Variants in PIP5K1C observed in about 807,000 individuals in gnomAD.
PIP5K1C encodes phosphatidylinositol-4-phosphate 5-kinase type 1 gamma, also known as phosphatidylinositol 4-phosphate 5-kinase type-1 gamma.
In PIP5K1C, 45 loss-of-function variants were observed where a neutral mutation model predicts 80.1. That is an observed-to-expected ratio of 0.56 (90% CI 0.44 to 0.72). The LOEUF (loss-of-function observed/expected upper bound fraction) is 0.72, where lower values mean the gene tolerates loss of function less well. Among genes scored for constraint, PIP5K1C ranks in the 30% least tolerant of loss-of-function variants. The pLI, the probability that PIP5K1C is intolerant of heterozygous loss-of-function variation, is 0.00. For synonymous variants in PIP5K1C, 498 were observed against 420.1 expected (o/e 1.19, Z -2.27); for missense variants, 753 against 954.6 (o/e 0.79, Z 2.78).
intron 12 of PIP5K1C, among the ~76,000 whole-genome samples, chr19:3,643,680 C>T (rs2270082): frequency 4.7e-5 from 7 of 149,378 alleles, no homozygotes; most frequent in Admixed American, 4.7e-4. Context: ...CCTCCCCACC[C>T]CCCCTCCCTT....
intron 16 of PIP5K1C, among the ~76,000 whole-genome samples, chr19:3,635,480 C>T (rs1239515363): frequency 6.6e-6 from 1 of 151,456 alleles, no homozygotes; most frequent in African/African-American, 2.4e-5. Flanking sequence ...GTCAGGAGTT[C>T]GAGACCAGCC....
intron 11 of PIP5K1C, among the ~76,000 whole-genome samples, chr19:3,644,683 T>C (rs1261082598): frequency 6.6e-6 from 1 of 152,204 alleles, no homozygotes; most frequent in African/African-American, 2.4e-5. Flanking sequence ...GCTCAGCATG[T>C]AGGGCCTGAG....
Position 3,696,765 on chromosome 19 carries a change from G to A in PIP5K1C, c.94+3532C>T, listed in dbSNP as rs1568366080. On this transcript the variant is annotated intron_variant, in intron 1 of 17. Transcript: ENST00000335312. This position sits in a 1 kb window ranked among gnomAD's most constrained non-coding sequence, Gnocchi z 4.1. ...GGGCAGGGAGGGCAGGGAGGGCCCG[G>A]GGCAGGCTGTGCAGGGCCTGATGGG... Among the ~76,000 whole-genome samples the A allele has an allele frequency of 6.6e-6, 1 of 152,056 alleles. No individual in the cohort carries two copies. Among genetic ancestry groups the A allele is most frequent in the Non-Finnish European group, 1.5e-5 (1 of 67,984 alleles).
chr19:3,699,673 T>C (rs1006723974), intron 1 of PIP5K1C, among the ~76,000 whole-genome samples: 1 of 151,680 alleles, frequency 6.6e-6, no homozygotes. Context: ...CGGCTGGAGG[T>C]CCAGGAAGCA....
intron 16 of PIP5K1C, among the ~76,000 whole-genome samples, chr19:3,635,982 A>C (rs7408713): frequency 0.53 from 80,571 of 150,956 alleles, 21,865 homozygotes; most frequent in Admixed American, 0.6. Context: ...TCTGTCTCAA[A>C]AAACAAACAA....
chr19:3,661,160 G>T (rs1041644331), intron 4 of PIP5K1C, 77 bp from the exon 5 acceptor site: 3 of 976,978 alleles, frequency 3.1e-6, no homozygotes, highest in Non-Finnish European at 4.9e-6. Context: ...GTCCCTCCTA[G>T]TGCCTCTAGC....
intron 3 of PIP5K1C, among the ~76,000 whole-genome samples, chr19:3,664,583 G>A (rs1274486114): frequency 6.6e-6 from 1 of 152,198 alleles, no homozygotes; most frequent in Non-Finnish European, 1.5e-5. Flanking sequence ...AGCCGGGCAG[G>A]CGTTGCAGCC....
chr19:3,640,923 G>A (rs186317887), intron 15 of PIP5K1C, among the ~76,000 whole-genome samples: 8 of 152,144 alleles, frequency 5.3e-5, no homozygotes, highest in African/African-American at 1.2e-4. Context: ...TCCTGACCTC[G>A]TGATCCGCCT....
intron 11 of PIP5K1C, 54 bp from the exon 12 acceptor site, chr19:3,644,305 G>A: frequency 1.3e-6 from 2 of 1,570,704 alleles, no homozygotes; most frequent in East Asian, 2.3e-5. Flanking sequence ...TCATAGCAAA[G>A]CCCAGACAGG....
At chr19:3,694,397 C>T (rs2036038924) in intron 1 of PIP5K1C, among the ~76,000 whole-genome samples, 1 of 152,078 alleles carries the variant, frequency 6.6e-6, no homozygotes, top group Non-Finnish European at 1.5e-5. Flanking sequence ...ACACACCTGC[C>T]ACAGTGCCTG....
At chr19:3,699,655 C>T (rs2036235303) in intron 1 of PIP5K1C, among the ~76,000 whole-genome samples, 1 of 152,186 alleles carries the variant, frequency 6.6e-6, no homozygotes. Flanking sequence ...CAGCTGCCGC[C>T]ACCTACCCGG....
At chr19:3,669,287 TCCCTGCTCTGGG>T (rs1250777125) in intron 1 of PIP5K1C, among the ~76,000 whole-genome samples, 1 of 152,172 alleles carries the variant, frequency 6.6e-6, no homozygotes, top group Non-Finnish European at 1.5e-5. Context: ...TCTGGCTGCC[TCCCTGCTCTGGG>T]CTGGGCAGCA....
intron 12 of PIP5K1C, among the ~76,000 whole-genome samples, chr19:3,643,753 C>T (rs961444779): frequency 4.0e-5 from 6 of 151,730 alleles, no homozygotes; most frequent in African/African-American, 1.5e-4. Context: ...TGGTCCTGCC[C>T]CAGGGCCCTT....
chr19:3,672,070 G>A (rs1180445062), intron 1 of PIP5K1C, among the ~76,000 whole-genome samples: 2 of 152,180 alleles, frequency 1.3e-5, no homozygotes, highest in Admixed American at 6.5e-5. Context: ...ACGTGGTGGC[G>A]ACCCGGGCCT....
intron 1 of PIP5K1C, among the ~76,000 whole-genome samples, chr19:3,687,866 G>C (rs2035812519): frequency 6.6e-6 from 1 of 152,208 alleles, no homozygotes; most frequent in Non-Finnish European, 1.5e-5. Context: ...CGGTAAACAG[G>C]AAGCTCTGCG....
chr19:3,693,066 C>T (rs1374616568), intron 1 of PIP5K1C, among the ~76,000 whole-genome samples: 1 of 152,074 alleles, frequency 6.6e-6, no homozygotes, highest in Non-Finnish European at 1.5e-5. Context: ...GCGTGTTTTG[C>T]TTTTCTTTGC....
chr19:3,664,099 C>A (rs2034927631), intron 3 of PIP5K1C, among the ~76,000 whole-genome samples: 1 of 152,220 alleles, frequency 6.6e-6, no homozygotes, highest in Middle Eastern at 3.2e-3. Context: ...ACGCTACACT[C>A]AGTGAGAGAC....
At chr19:3,676,811 T>C (rs973947615) in intron 1 of PIP5K1C, among the ~76,000 whole-genome samples, 2 of 152,232 alleles carry the variant, frequency 1.3e-5, no homozygotes, top group Non-Finnish European at 2.9e-5. Flanking sequence ...AGACTGCTTT[T>C]ACTTTAAAAA....
chr19:3,651,350 C>T (rs545398289), intron 8 of PIP5K1C, among the ~76,000 whole-genome samples: 2 of 152,296 alleles, frequency 1.3e-5, no homozygotes, highest in African/African-American at 2.4e-5. Flanking sequence ...GACACTGCGC[C>T]CAGCCAGCAG....
Sources: gnomAD v4.1 joint callset for allele counts (sites outside exome capture counted in the v4.1 genomes callset) on GRCh38, gnomAD v4.1.1 for gene constraint, Gnocchi (gnomAD v3.1) non-coding constraint, MANE v1.5 for transcripts, NCBI Gene and HGNC (gene_info 2026-07-23, HGNC 2026-07-21) for gene names.